The following CERS4 variants were observed in gnomAD, a reference collection of about 807,000 sequenced individuals.
CERS4 encodes LAG1 homolog, ceramide synthase 4.
Under a neutral mutation model 51.8 loss-of-function variants are expected in CERS4, and 65 were observed. That is an observed-to-expected ratio of 1.26 (90% CI 1.03 to 1.54). The LOEUF (loss-of-function observed/expected upper bound fraction) is 1.54, where lower values mean the gene tolerates loss of function less well. Among genes scored for constraint, CERS4 ranks in the 40% most tolerant of loss-of-function variants. CERS4 has a pLI of 0.00. For missense variants in CERS4, 563 were observed against 500.4 expected, an observed-to-expected ratio of 1.13 and a Z score of -1.19; for synonymous variants, 228 against 208.4, an observed-to-expected ratio of 1.09 and a Z score of -0.81.
At chr19:8,253,471 T>TTGG (rs986848070) in intron 3 of CERS4, among the ~76,000 whole-genome samples, 1 of 137,020 alleles carries the variant, frequency 7.3e-6, no homozygotes, top group African/African-American at 2.6e-5. Context: ...TTTTTTTTTT[T>TTGG]GGGGAGACAG....
chr19:8,232,026 C>T (rs942701085), intron 2 of CERS4, among the ~76,000 whole-genome samples: 3 of 150,486 alleles, frequency 2.0e-5, no homozygotes, highest in Admixed American at 6.7e-5. Flanking sequence ...GACAGGGTCT[C>T]ACTATCTTGC....
At chr19:8,254,206 C>T (rs1969242529) in intron 3 of CERS4, among the ~76,000 whole-genome samples, 1 of 149,666 alleles carries the variant, frequency 6.7e-6, no homozygotes, top group Non-Finnish European at 1.5e-5. Context: ...GCCTGCAGTC[C>T]CAGCTACTCG....
rs191978137 is a variant in CERS4, at chr19:8,244,663, C to T, written c.-1-6413C>T. Among the ~76,000 whole-genome samples the T allele has an allele frequency of 2.2e-3, 332 of 152,240 alleles. 2 individuals carry two copies. Among genetic ancestry groups the T allele is most frequent in the African/African-American group, 7.6e-3 (314 of 41,568 alleles). On this transcript the variant is annotated intron_variant, in intron 2 of 11. Transcript: ENST00000251363. The stretch of plus-strand genomic sequence containing the variant: ...CAAAATGCTACGCCCTGCATGGCAA[C>T]CAACACCTGAGAATCCCTGCATTAT...
chr19:8,223,065 G>A (rs982269110), intron 2 of CERS4, among the ~76,000 whole-genome samples: 2 of 152,122 alleles, frequency 1.3e-5, no homozygotes, highest in Admixed American at 6.6e-5. Context: ...TGGGTGCAGT[G>A]GCTCACATCT....
intron 2 of CERS4, among the ~76,000 whole-genome samples, chr19:8,221,551 AT>A (rs111753909): frequency 0.1 from 14,238 of 142,490 alleles, 723 homozygotes; most frequent in East Asian, 0.17. Flanking sequence ...TTTTTTTCTT[AT>A]TTTTTTTTTT....
intron 2 of CERS4, among the ~76,000 whole-genome samples, chr19:8,235,011 CTTT>C (rs567754538): frequency 9.0e-6 from 1 of 110,682 alleles, no homozygotes; most frequent in Non-Finnish European, 1.8e-5. Context: ...TTCTTTCTTT[CTTT>C]TTTTTTTTTT....
At chr19:8,238,681 A>C (rs1399940939) in intron 2 of CERS4, 1 of 735,660 alleles carries the variant, frequency 1.4e-6, no homozygotes, top group Non-Finnish European at 1.7e-6. Context: ...GGGGGCTGAC[A>C]GGAGAGGTGG....
At chr19:8,234,842 C>T (rs1337404447) in intron 2 of CERS4, among the ~76,000 whole-genome samples, 1 of 151,514 alleles carries the variant, frequency 6.6e-6, no homozygotes, top group Admixed American at 6.6e-5. Flanking sequence ...GCATGAGCCA[C>T]CACGCCCGGC....
chr19:8,215,827 G>A (rs931937089), intron 2 of CERS4, among the ~76,000 whole-genome samples: 1 of 152,224 alleles, frequency 6.6e-6, no homozygotes, highest in South Asian at 2.1e-4. Context: ...CAGGGGAATA[G>A]GGGCTGGGCT....
intron 2 of CERS4, among the ~76,000 whole-genome samples, chr19:8,217,678 A>G (rs577024988): frequency 2.4e-4 from 36 of 151,876 alleles, no homozygotes; most frequent in African/African-American, 8.7e-4. Context: ...CTGGGACTAC[A>G]GGTGCCCACC....
intron 2 of CERS4, among the ~76,000 whole-genome samples, chr19:8,243,294 G>A (rs1239667189): frequency 6.6e-6 from 1 of 151,338 alleles, no homozygotes; most frequent in African/African-American, 2.4e-5. Flanking sequence ...GGGACCAAGA[G>A]TGCCAAGCTG....
intron 8 of CERS4, 49 bp downstream of exon 8, chr19:8,256,759 G>A (rs761794749): frequency 1.9e-6 from 3 of 1,587,386 alleles, no homozygotes; most frequent in Admixed American, 1.8e-5. Flanking sequence ...CCGGGATGCT[G>A]GGGTGCTGGG....
chr19:8,213,730 C>T (rs1303886367), intron 2 of CERS4, among the ~76,000 whole-genome samples: 2 of 152,098 alleles, frequency 1.3e-5, no homozygotes, highest in Non-Finnish European at 2.9e-5. Context: ...CTTTGAGAGG[C>T]CGAGGCGGGC....
At chr19:8,246,511 T>C in intron 2 of CERS4, among the ~76,000 whole-genome samples, 1 of 150,884 alleles carries the variant, frequency 6.6e-6, no homozygotes, top group Non-Finnish European at 1.5e-5. Flanking sequence ...GGAGCCATGA[T>C]CGCTGCATTC....
rs1969348502 is a variant in CERS4 at position 8,255,822 on chromosome 19, C to G, written c.411C>G (p.Ser137Arg). Residue 137 changes from serine (S) to arginine (R), a missense_variant and splice_region_variant, in exon 6 of 12, where the codon AGC (serine) becomes AGG (arginine). Transcript: ENST00000251363. ...PQLTKKFCEA[S>R]WRFLFYLSSF... ...TTCACAGCTCCCTCCCCATCCACAG[C>G]TGGAGGTTTCTCTTCTACCTGTCCT... 6.2e-7 allele frequency: 1 copy of G among 1,614,004 alleles called. No homozygotes were observed. The highest frequency in any genetic ancestry group is 8.5e-7 in the Non-Finnish European group (1 of 1,180,028).
chr19:8,240,584 A>ATGTGTGTGTG (rs1568518857), intron 2 of CERS4: 1 of 37,664 alleles, frequency 2.7e-5, no homozygotes, highest in East Asian at 8.9e-4. Flanking sequence ...CAATGTATGC[A>ATGTGTGTGTG]AGTGTGTGTG....
chr19:8,261,854 G>A lies in CERS4; in HGVS notation c.1005+10G>A, dbSNP rs755635016. On this transcript the variant is annotated intron_variant, in intron 11 of 11. Coordinates refer to ENST00000251363, the MANE Select transcript of CERS4 (RefSeq NM_024552.3). Reference sequence around the variant, plus strand: ...CATGAAGAAGGGCCAGGTATGGCTGGACCTCCCCGGGGGCCCCAGCCCTAA... The same window carrying A: ...CATGAAGAAGGGCCAGGTATGGCTGAACCTCCCCGGGGGCCCCAGCCCTAA... The A allele has an allele frequency of 6.2e-7, 1 of 1,614,028 alleles. No individual in the cohort carries two copies.
At chr19:8,246,664 G>C (rs114864045) in intron 2 of CERS4, among the ~76,000 whole-genome samples, 1 of 151,972 alleles carries the variant, frequency 6.6e-6, no homozygotes, top group Admixed American at 6.6e-5. Context: ...GTGTAGGGGC[G>C]ATGTGGCCTG....
At chr19:8,218,763 C>T (rs896872487) in intron 2 of CERS4, among the ~76,000 whole-genome samples, 1 of 152,186 alleles carries the variant, frequency 6.6e-6, no homozygotes, top group Non-Finnish European at 1.5e-5. Flanking sequence ...CAAACACCTC[C>T]GGTCCTTAAA....
Sources: allele counts gnomAD v4.1 joint callset (sites outside exome capture counted in the v4.1 genomes callset), GRCh38; gene constraint gnomAD v4.1.1; transcripts MANE v1.5; gene names NCBI Gene and HGNC (gene_info 2026-07-23, HGNC 2026-07-21).